Variants in ADCY10 observed in about 807,000 individuals in gnomAD.
The protein encoded by ADCY10 is adenylate cyclase type 10.
Under a neutral mutation model 183.3 loss-of-function variants are expected in ADCY10, and 156 were observed. The observed-to-expected ratio is 0.85, with a 90% confidence interval of 0.75 to 0.97. The LOEUF is 0.97. Ranked by LOEUF, ADCY10 falls within the 50% of genes least tolerant of loss-of-function variation. The pLI is 0.00. For missense variants in ADCY10, 1,745 were observed against 1,934.3 expected (o/e 0.90, Z 1.84); for synonymous variants, 645 against 670.0 (o/e 0.96, Z 0.58).
intron 18 of ADCY10, among the ~76,000 whole-genome samples, chr1:167,854,026 A>G (rs1665697600): frequency 6.6e-6 from 1 of 151,774 alleles, no homozygotes; most frequent in African/African-American, 2.4e-5. Flanking sequence ...TTTAGTACAG[A>G]TGGGGTTTCA....
intron 18 of ADCY10, among the ~76,000 whole-genome samples, chr1:167,849,068 T>G (rs1376887246): frequency 6.6e-6 from 1 of 152,168 alleles, no homozygotes; most frequent in African/African-American, 2.4e-5. Context: ...CCATAGGATA[T>G]AAGGCTTTAC....
chr1:167,898,341 C>T (rs1013529558), intron 6 of ADCY10, among the ~76,000 whole-genome samples: 7 of 152,054 alleles, frequency 4.6e-5, no homozygotes, highest in Non-Finnish European at 7.4e-5. Flanking sequence ...TGGCTTACAC[C>T]TATAATCCCA....
intron 21 of ADCY10, among the ~76,000 whole-genome samples, chr1:167,841,823 A>G (rs1382720352): frequency 6.6e-6 from 1 of 152,226 alleles, no homozygotes; most frequent in Non-Finnish European, 1.5e-5. Context: ...TTTCTCCAAC[A>G]GAATGCTGTT....
chr1:167,870,549 T>C lies in ADCY10; in HGVS notation c.1463-139A>G, dbSNP rs1667028121. ...GGCTCACTCCTGTAATCCCAGCACT[T>C]TGGGAGGCCGAGGTGGGCGGATCTG... On this transcript the variant is annotated intron_variant, in intron 13 of 32. Transcript: ENST00000367851. The C allele has an allele frequency of 1.8e-5, 13 of 740,800 alleles. 1 individual carries two copies. The South Asian group carries it at 2.2e-4, about 13-fold the overall frequency. 45.9% of individuals were successfully genotyped at this position (740,800 alleles called of 1,614,324 possible). A position where few individuals can be genotyped will look rare whatever the true frequency, so the allele number is the denominator to read the frequency against.
Position 167,893,894 on chromosome 1 carries a change from T to C in ADCY10, c.787A>G (p.Met263Val), listed in dbSNP as rs2102359341. The C allele has an allele frequency of 6.2e-7, 1 of 1,613,510 alleles. No homozygotes were observed. The highest frequency in any genetic ancestry group is 8.5e-7 in the Non-Finnish European group (1 of 1,179,710). Residue 263 changes from methionine to valine, a missense_variant, in exon 8 of 33, where the codon ATG (methionine) becomes GTG (valine). By Grantham distance (21) the Met-to-Val change is conservative. Transcript: ENST00000367851. ...CTLKPDPELE[M>V]SLQKYVMESI... ...TCCATCACATACTTTTGTAGGGACATCTCCAGTTCAGGATCAGGCTTCAGC... is the reference window on the plus strand; with the variant it reads ...TCCATCACATACTTTTGTAGGGACACCTCCAGTTCAGGATCAGGCTTCAGC...
intron 18 of ADCY10, among the ~76,000 whole-genome samples, chr1:167,849,899 G>C (rs569873781): frequency 3.3e-5 from 5 of 152,126 alleles, no homozygotes; most frequent in Admixed American, 3.3e-4. Context: ...GGAATGGAGC[G>C]GCCCAGCGTG....
At chr1:167,876,516 G>T (rs1315386899) in intron 12 of ADCY10, among the ~76,000 whole-genome samples, 1 of 152,108 alleles carries the variant, frequency 6.6e-6, no homozygotes, top group Non-Finnish European at 1.5e-5. Flanking sequence ...ATATATCAAA[G>T]GTTCCCATGT....
intron 21 of ADCY10, among the ~76,000 whole-genome samples, chr1:167,839,195 CATT>C (rs1371473160): frequency 6.6e-6 from 1 of 152,250 alleles, no homozygotes; most frequent in Non-Finnish European, 1.5e-5. Context: ...ACTCAATCTC[CATT>C]GTCCCTTTTC....
rs1666209209 is a variant in ADCY10, at chr1:167,860,444, A to T, written c.1809+427T>A. Among the ~76,000 whole-genome samples, 5 of 152,172 alleles carry T rather than the reference A, an allele frequency of 3.3e-5. No homozygotes were observed. In the South Asian group the frequency reaches 1.0e-3, roughly 31 times the overall value. On this transcript the variant is annotated intron_variant, in intron 15 of 32. Transcript: ENST00000367851. ...TGGCTATAAATAGAGATGAAGCTTC[A>T]CTTGCTCACCCACTGGTTGCCTCCT...
At chr1:167,861,134 A>G in intron 14 of ADCY10, 71 bp from the exon 15 acceptor site, 1 of 1,300,726 alleles carries the variant, frequency 7.7e-7, no homozygotes, top group East Asian at 2.5e-5. Flanking sequence ...TAGAGGTTGA[A>G]GGAAAGCTCT....
intron 10 of ADCY10, 149 bp downstream of exon 10, chr1:167,880,342 G>A: frequency 1.1e-6 from 1 of 940,158 alleles, no homozygotes; most frequent in Non-Finnish European, 1.7e-6. Context: ...TTTCTACATG[G>A]CCCGGAGATG....
chr1:167,828,831 G>A (rs112914238), intron 26 of ADCY10, among the ~76,000 whole-genome samples: 12 of 152,048 alleles, frequency 7.9e-5, no homozygotes, highest in South Asian at 2.1e-4. Context: ...GTGTGGTGGC[G>A]CATGCCTGTA....
intron 1 of ADCY10, among the ~76,000 whole-genome samples, chr1:167,908,248 A>G (rs1013592709): frequency 1.3e-5 from 2 of 152,246 alleles, no homozygotes; most frequent in Non-Finnish European, 2.9e-5. Flanking sequence ...TCTTTCTTGT[A>G]TGATAGTGTG....
In ADCY10 at chr1:167,870,253, T is replaced by A; in HGVS notation, c.1616+4A>T. ...ACACAGAACAATCATTCCAAGACAC[T>A]CACCTGTGATTCTTACCTTGGGCCA... On this transcript the variant is annotated splice_donor_region_variant and intron_variant, in intron 14 of 32. Transcript: ENST00000367851. The A allele has an allele frequency of 6.2e-7, 1 of 1,613,950 alleles. No homozygotes were observed. Among genetic ancestry groups the A allele is most frequent in the Non-Finnish European group, 8.5e-7 (1 of 1,179,968 alleles).
At chr1:167,867,384 T>C (rs182311081) in intron 14 of ADCY10, among the ~76,000 whole-genome samples, 5 of 152,320 alleles carry the variant, frequency 3.3e-5, no homozygotes, top group African/African-American at 9.6e-5. Context: ...ACTTGTACAG[T>C]AAGGACTTCA....
intron 6 of ADCY10, 50 bp downstream of exon 6, chr1:167,899,373 C>T (rs756177479): frequency 1.3e-6 from 2 of 1,583,312 alleles, no homozygotes; most frequent in South Asian, 2.2e-5. Flanking sequence ...GGCAGGGGGC[C>T]TCTGTTACAG....
In ADCY10 at chr1:167,859,828, C is replaced by A. The variant is rs763732618; in HGVS notation, c.1875G>T (p.Leu625Phe). ...TTACCAGCTTCAAGATCTTCATAAACAATATTTCCAATTGTTTTTGCTTTT... is the reference window on the plus strand; with the variant it reads ...TTACCAGCTTCAAGATCTTCATAAAAAATATTTCCAATTGTTTTTGCTTTT... The part of the protein sequence containing the change: ...TLKKQKQLEI[L>F]FMKILKLIVK... Residue 625 changes from leucine to phenylalanine, a missense_variant, in exon 16 of 33, where the codon TTG (leucine) becomes TTT (phenylalanine). Transcript: ENST00000367851. 6.2e-7 allele frequency: 1 copy of A among 1,613,482 alleles called. No homozygotes were observed. Among genetic ancestry groups the A allele is most frequent in the Admixed American group, 1.7e-5 (1 of 59,990 alleles).
Position 167,860,882 on chromosome 1 carries a change from A to C in ADCY10, c.1798T>G (p.Phe600Val). 6.2e-7 allele frequency: 1 copy of C among 1,614,100 alleles called. No homozygotes were observed. The highest frequency in any genetic ancestry group is 8.5e-7 in the Non-Finnish European group (1 of 1,179,962). ...EKFYCLLNDI[F>V]HVQFPISREI... Reference sequence around the variant, plus strand: ...TACTAGCTAGTTACCTGAACATGGAAAATGTCATTAAGAAGACAGTAGAAC... The same window carrying C: ...TACTAGCTAGTTACCTGAACATGGACAATGTCATTAAGAAGACAGTAGAAC... The change falls in exon 15 of 33, where the codon TTC becomes GTC. Residue 600 changes from phenylalanine to valine, a missense_variant. Physicochemically the swap from Phe to Val is conservative, Grantham distance 50. Coordinates refer to ENST00000367851, the MANE Select transcript of ADCY10 (RefSeq NM_018417.6).
At chr1:167,902,536 C>A (rs550839225) in intron 3 of ADCY10, among the ~76,000 whole-genome samples, 1 of 152,298 alleles carries the variant, frequency 6.6e-6, no homozygotes, top group South Asian at 2.1e-4. Context: ...TTTATTTAGA[C>A]GGTATGGCAT....
Sources: allele counts gnomAD v4.1 joint callset (sites outside exome capture counted in the v4.1 genomes callset), GRCh38; gene constraint gnomAD v4.1.1; transcripts MANE v1.5; gene names NCBI Gene and HGNC (gene_info 2026-07-23, HGNC 2026-07-21).